Variants in DACH2 observed in about 807,000 individuals in gnomAD.
DACH2 encodes the protein dachshund homolog 2.
A neutral mutation model predicts 35.8 loss-of-function variants in DACH2; 17 were observed. The ratio of observed to expected loss-of-function variants is 0.48; its 90% confidence interval spans 0.33 to 0.71. The LOEUF (loss-of-function observed/expected upper bound fraction) is 0.71, where lower values mean the gene tolerates loss of function less well. Among genes scored for constraint, DACH2 ranks in the 30% least tolerant of loss-of-function variants. DACH2 has a pLI of 0.02. For synonymous variants in DACH2, 195 were observed against 177.3 expected, an observed-to-expected ratio of 1.10 and a Z score of -0.79; for missense variants, 469 against 472.7, an observed-to-expected ratio of 0.99 and a Z score of 0.07.
intron 2 of DACH2, among the ~76,000 whole-genome samples, chrX:86,414,711 A>C (rs1602494391): frequency 8.9e-6 from 1 of 111,738 alleles, no homozygotes; most frequent in African/African-American, 3.2e-5. Context: ...AAGCGAGATC[A>C]GGCATTTCCA....
intron 1 of DACH2, among the ~76,000 whole-genome samples, chrX:86,180,960 G>A (rs1349983398): frequency 4.5e-5 from 5 of 110,686 alleles, no homozygotes; most frequent in African/African-American, 6.6e-5. Flanking sequence ...AAAGGGCCAA[G>A]TTAGCGTGTG....
chrX:86,397,862 G>A (rs762274540), intron 2 of DACH2, among the ~76,000 whole-genome samples: 1 of 111,549 alleles, frequency 9.0e-6, no homozygotes, highest in Non-Finnish European at 1.9e-5. Flanking sequence ...TTTTTTGGTT[G>A]TGTCTCTGCC....
chrX:86,340,702 T>A (rs930697568), intron 1 of DACH2, among the ~76,000 whole-genome samples: 1 of 111,704 alleles, frequency 9.0e-6, no homozygotes, highest in Non-Finnish European at 1.9e-5. Context: ...CAAAAAACAG[T>A]TTGCCAGGTC....
At chrX:86,258,801 T>A (rs959286168) in intron 1 of DACH2, among the ~76,000 whole-genome samples, 61 of 112,079 alleles carry the variant, frequency 5.4e-4, no homozygotes, top group Middle Eastern at 4.6e-3. Flanking sequence ...GGTACCCATG[T>A]TAGTGGTGAC....
chrX:86,492,612 C>G (rs1454130758), intron 2 of DACH2, among the ~76,000 whole-genome samples: 1 of 111,283 alleles, frequency 9.0e-6, no homozygotes, highest in African/African-American at 3.3e-5. Flanking sequence ...CCTCCCTCTT[C>G]CCTCTAGTAG....
At chrX:86,570,950 T>A (rs2039358845) in intron 3 of DACH2, among the ~76,000 whole-genome samples, 1 of 111,370 alleles carries the variant, frequency 9.0e-6, no homozygotes, top group Non-Finnish European at 1.9e-5. Context: ...TTCTAATGAA[T>A]TACATTATAT....
At chrX:86,190,663 G>A (rs1007730402) in intron 1 of DACH2, among the ~76,000 whole-genome samples, 3 of 112,145 alleles carry the variant, frequency 2.7e-5, no homozygotes, top group Non-Finnish European at 5.6e-5. Flanking sequence ...AAAAGTAAAA[G>A]GCCAGGCGCG....
intron 3 of DACH2, among the ~76,000 whole-genome samples, chrX:86,545,166 C>T (rs1383385599): frequency 1.8e-5 from 2 of 111,830 alleles, no homozygotes; most frequent in Non-Finnish European, 3.8e-5. Flanking sequence ...AGCCCACCAA[C>T]AGGAGATTTG....
intron 1 of DACH2, among the ~76,000 whole-genome samples, chrX:86,297,054 T>C (rs1423800601): frequency 1.0e-5 from 1 of 98,064 alleles, no homozygotes; most frequent in Non-Finnish European, 2.0e-5. Context: ...TATATATATA[T>C]ATATATATAT....
chrX:86,750,617 C>T (rs186516983), intron 7 of DACH2, among the ~76,000 whole-genome samples: 38 of 110,899 alleles, frequency 3.4e-4, no homozygotes, highest in Admixed American at 3.0e-3. Context: ...CAGCTCCTGG[C>T]GACGACTATT....
At chrX:86,245,288 G>T (rs982666531) in intron 1 of DACH2, among the ~76,000 whole-genome samples, 1 of 111,507 alleles carries the variant, frequency 9.0e-6, no homozygotes, top group African/African-American at 3.3e-5. Context: ...TGGTGCAAGT[G>T]CATGCTTGCA....
At chrX:86,632,670 C>A (rs1240608152) in intron 3 of DACH2, among the ~76,000 whole-genome samples, 2 of 110,877 alleles carry the variant, frequency 1.8e-5, no homozygotes, top group African/African-American at 6.6e-5. Context: ...GACCTTTCAG[C>A]AAACACAAAA....
At chrX:86,452,360 C>T (rs1404022281) in intron 2 of DACH2, among the ~76,000 whole-genome samples, 1 of 111,199 alleles carries the variant, frequency 9.0e-6, no homozygotes, top group Non-Finnish European at 1.9e-5. Context: ...GGGAGGAGTC[C>T]TTCGTTTTCA....
At chrX:86,640,086 A>T (rs1010366108) in intron 3 of DACH2, among the ~76,000 whole-genome samples, 1 of 110,889 alleles carries the variant, frequency 9.0e-6, no homozygotes, top group Non-Finnish European at 1.9e-5. Flanking sequence ...GCGGGCCCCA[A>T]GCATACTGCA....
intron 1 of DACH2, among the ~76,000 whole-genome samples, chrX:86,174,776 C>G (rs918693686): frequency 1.3e-4 from 15 of 111,733 alleles, no homozygotes; most frequent in African/African-American, 4.9e-4. Flanking sequence ...CTCCTGGGCT[C>G]AAGTTATACT....
chrX:86,295,785 C>T (rs776476522), intron 1 of DACH2, among the ~76,000 whole-genome samples: 1 of 110,858 alleles, frequency 9.0e-6, no homozygotes, highest in Non-Finnish European at 1.9e-5. Context: ...CTTCAAAAGA[C>T]AGAGGAGCCA....
intron 6 of DACH2, among the ~76,000 whole-genome samples, chrX:86,721,445 T>C (rs908572614): frequency 5.4e-5 from 6 of 111,826 alleles, no homozygotes; most frequent in African/African-American, 2.0e-4. Flanking sequence ...AAGAGTCACC[T>C]TTATTCACGT....
chrX:86,759,836 T>A (rs1392771525), intron 7 of DACH2, among the ~76,000 whole-genome samples: 1 of 111,953 alleles, frequency 8.9e-6, no homozygotes, highest in Non-Finnish European at 1.9e-5. Flanking sequence ...GTTTTCATAA[T>A]GGTAGATATT....
At chrX:86,425,376 G>A (rs186351838) in intron 2 of DACH2, among the ~76,000 whole-genome samples, 3 of 110,375 alleles carry the variant, frequency 2.7e-5, no homozygotes, top group Non-Finnish European at 5.7e-5. Context: ...GGTCTGTTCA[G>A]GTTTTGGATT....
Sources: allele counts gnomAD v4.1 joint callset (sites outside exome capture counted in the v4.1 genomes callset), GRCh38; gene constraint gnomAD v4.1.1; transcripts MANE v1.5; gene names NCBI Gene and HGNC (gene_info 2026-07-23, HGNC 2026-07-21).